The following FBXO10 variants were observed in gnomAD, a reference collection of about 807,000 sequenced individuals.
The protein encoded by FBXO10 is F-box protein 10.
In FBXO10, 39 loss-of-function variants were observed where a neutral mutation model predicts 80.7. The ratio of observed to expected loss-of-function variants is 0.48; its 90% CI spans 0.37 to 0.63. The LOEUF (loss-of-function observed/expected upper bound fraction) is 0.63. Ranked by LOEUF, FBXO10 falls within the 30% of genes least tolerant of loss-of-function variation. FBXO10 has a pLI of 0.00. For missense variants in FBXO10, 1,025 were observed against 1,269.0 expected (o/e 0.81, Z 2.92); for synonymous variants, 449 against 489.6 (o/e 0.92, Z 1.09).
chr9:37,544,203 A>T (rs1260018551), intron 1 of FBXO10, among the ~76,000 whole-genome samples: 1 of 152,178 alleles, frequency 6.6e-6, no homozygotes, highest in African/African-American at 2.4e-5. Context: ...TGGGAGGTGG[A>T]GGTTGCAGTG....
In FBXO10 at chr9:37,529,136, T is replaced by C. The variant is rs772227906; in HGVS notation, c.1694A>G (p.Asn565Ser). Residue 565 changes from asparagine (N) to serine (S), a missense_variant, in exon 5 of 11, where the codon AAC becomes AGC. By Grantham distance (46) the Asn-to-Ser change is conservative (BLOSUM62 1). This residue lies in a region of FBXO10 where 478 missense variants were observed against 667.8 expected (regional missense o/e 0.72). Coordinates refer to ENST00000432825, the MANE Select transcript of FBXO10 (RefSeq NM_012166.3). Reference protein sequence around the residue: ...EAGIYILYHGNPVVSGNHIFK... With the variant: ...EAGIYILYHGSPVVSGNHIFK... ...CAGCAGCACACACCTCACAACGGGGTTTCCGTGGTACAGGATGTAAATGCC... is the reference window on the plus strand; with the variant it reads ...CAGCAGCACACACCTCACAACGGGGCTTCCGTGGTACAGGATGTAAATGCC... The C allele has an allele frequency of 7.4e-6, 12 of 1,613,684 alleles. No individual in the cohort carries two copies. The highest frequency in any genetic ancestry group is 9.3e-6 in the Non-Finnish European group (11 of 1,179,824).
Position 37,515,930 on chromosome 9 carries a change from G to A in FBXO10, c.2670C>T (p.Asn890=). 1 of 1,613,888 alleles carries A rather than the reference G, an allele frequency of 6.2e-7. No homozygotes were observed. Among genetic ancestry groups the A allele is most frequent in the East Asian group, 2.2e-5 (1 of 44,884 alleles). The change falls in exon 10 of 11, where the codon AAC becomes AAT. Residue 890 remains asparagine, a synonymous_variant. Coordinates refer to ENST00000432825, the MANE Select transcript of FBXO10 (RefSeq NM_012166.3). ...TTTTCTTGAAGACCAGGAACTTGTT[G>A]TTTTGCATGATGCATTCTCGGTTGT... ...ISNNRECIMQ[N]NKFLVFKKKS...
intron 8 of FBXO10, among the ~76,000 whole-genome samples, chr9:37,520,331 TTTCC>T (rs1288725694): frequency 6.7e-6 from 1 of 149,116 alleles, no homozygotes; most frequent in Non-Finnish European, 1.5e-5. Flanking sequence ...TTTTTTTTTT[TTTCC>T]TTTTAAGACA....
chr9:37,540,081 T>C (rs539937358), intron 2 of FBXO10, among the ~76,000 whole-genome samples: 9 of 152,218 alleles, frequency 5.9e-5, no homozygotes, highest in African/African-American at 2.2e-4. Flanking sequence ...CTATAAGGCA[T>C]ATGGCATGCA....
rs1191092516 is a variant in FBXO10, at chr9:37,512,719, G to C, written c.2699C>G (p.Ser900Cys). Reference protein sequence around the residue: ...NNKFLVFKKKSDTWRLVNPPA... With the variant: ...NNKFLVFKKKCDTWRLVNPPA... ...TGGGTTCACCAGGCGCCACGTATCA[G>C]ACCTGGAGGTGCAAAACGAAAGTCA... Residue 900 changes from serine (S) to cysteine (C), a missense_variant and splice_region_variant, in exon 11 of 11, where the codon TCT (serine) becomes TGT (cysteine). Transcript: ENST00000432825. The C allele has an allele frequency of 3.1e-6, 5 of 1,612,984 alleles. No individual in the cohort carries two copies. In the South Asian group the frequency reaches 5.5e-5, roughly 18 times the overall value.
At chr9:37,561,441 C>T (rs956505299) in intron 1 of FBXO10, among the ~76,000 whole-genome samples, 2 of 152,102 alleles carry the variant, frequency 1.3e-5, no homozygotes, top group African/African-American at 2.4e-5. Flanking sequence ...TGCCTCTGGG[C>T]CACCTGGTGT....
intron 1 of FBXO10, among the ~76,000 whole-genome samples, chr9:37,542,723 A>ATG (rs550859671): frequency 2.6e-5 from 4 of 152,190 alleles, no homozygotes; most frequent in Middle Eastern, 3.2e-3. Context: ...AGGTGAGCAC[A>ATG]TGTGTGTGTG....
intron 9 of FBXO10, 22 bp downstream of exon 9, chr9:37,518,101 TCA>T (rs1243331615): frequency 1.3e-6 from 2 of 1,592,114 alleles, no homozygotes; most frequent in Non-Finnish European, 1.7e-6. Flanking sequence ...GCACCACACG[TCA>T]CACACATGCA....
intron 4 of FBXO10, 120 bp from the exon 5 acceptor site, chr9:37,529,380 T>A: frequency 9.2e-7 from 1 of 1,090,024 alleles, no homozygotes; most frequent in Non-Finnish European, 1.3e-6. Flanking sequence ...GACGTCACTG[T>A]AAGAGCCCTA....
intron 2 of FBXO10, 41 bp downstream of exon 2, chr9:37,541,143 G>A (rs781571018): frequency 1.1e-5 from 16 of 1,511,528 alleles, no homozygotes; most frequent in Admixed American, 6.5e-5. Flanking sequence ...AAGCCTCTGG[G>A]GTCAGAACTA....
At chr9:37,517,491 G>A (rs1268283568) in intron 9 of FBXO10, among the ~76,000 whole-genome samples, 1 of 152,236 alleles carries the variant, frequency 6.6e-6, no homozygotes, top group Admixed American at 6.5e-5. Flanking sequence ...GAGACAAATA[G>A]GTGAAGGAAG....
At position 37,576,294 on chromosome 9, in the gene FBXO10, A is replaced by G. The variant is rs1372897309; in HGVS notation, c.-90T>C. On this transcript the variant is annotated 5_prime_UTR_variant, in exon 1 of 11. Coordinates refer to ENST00000432825, the MANE Select transcript of FBXO10 (RefSeq NM_012166.3). ...CACCCGCCGCCCCCGCTGGAGCCGC[A>G]GCAGCCGGTAGGATTGCGGCGTGCG... is the stretch of plus-strand genomic sequence containing the variant. 6.6e-6 allele frequency: 1 copy of G among 152,168 alleles called. No homozygotes were observed. Among genetic ancestry groups the G allele is most frequent in the Non-Finnish European group, 1.5e-5 (1 of 68,090 alleles). 9.4% of individuals were successfully genotyped at this position (152,168 alleles called of 1,614,324 possible).
chr9:37,570,881 C>T (rs1277096519), intron 1 of FBXO10, among the ~76,000 whole-genome samples: 1 of 151,860 alleles, frequency 6.6e-6, no homozygotes. Flanking sequence ...GTAGTCCCAG[C>T]TACTCAGGAG....
chr9:37,550,308 G>C (rs1354461275), intron 1 of FBXO10, among the ~76,000 whole-genome samples: 4 of 146,298 alleles, frequency 2.7e-5, no homozygotes, highest in African/African-American at 1.0e-4. Context: ...TCAGCCTCCT[G>C]AGTAGCTGGT....
intron 1 of FBXO10, among the ~76,000 whole-genome samples, chr9:37,555,709 A>AT (rs34018117): frequency 0.17 from 25,791 of 151,524 alleles, 2,333 homozygotes; most frequent in Middle Eastern, 0.25. Context: ...TGTTTTTTTT[A>AT]ATATATATTT....
At chr9:37,527,173 CT>C (rs1163327132) in intron 5 of FBXO10, among the ~76,000 whole-genome samples, 1 of 152,198 alleles carries the variant, frequency 6.6e-6, no homozygotes, top group Admixed American at 6.5e-5. Context: ...TCTAATTCCC[CT>C]GCTTCCTTCT....
chr9:37,520,529 T>C (rs909062812), intron 8 of FBXO10, among the ~76,000 whole-genome samples: 4 of 142,776 alleles, frequency 2.8e-5, no homozygotes, highest in African/African-American at 1.0e-4. Context: ...CTTCTTTTTT[T>C]TTTTTTTTTT....
At chr9:37,515,517 G>A (rs1274211910) in intron 10 of FBXO10, 1 of 160,858 alleles carries the variant, frequency 6.2e-6, no homozygotes, top group Non-Finnish European at 1.4e-5. Context: ...GTGATACATT[G>A]AGGCAGAGTG....
chr9:37,542,165 T>C (rs1193294135), intron 1 of FBXO10, among the ~76,000 whole-genome samples: 4 of 152,088 alleles, frequency 2.6e-5, no homozygotes, highest in African/African-American at 9.6e-5. Flanking sequence ...TGCCATCTCC[T>C]GAGCCCAAGG....
Sources: allele counts gnomAD v4.1 joint callset (sites outside exome capture counted in the v4.1 genomes callset), GRCh38; gene constraint gnomAD v4.1.1; regional missense constraint gnomAD v4.1.1; transcripts MANE v1.5; gene names NCBI Gene and HGNC (gene_info 2026-07-23, HGNC 2026-07-21).